The following CNGB1 variants were observed in gnomAD, a reference collection of about 807,000 sequenced individuals.
The protein encoded by CNGB1 is cyclic nucleotide gated channel subunit beta 1, also known as cyclic nucleotide-gated channel beta-1.
CNGB1 carries 126 observed loss-of-function variants against 151.7 expected under a neutral mutation model. The observed-to-expected ratio is 0.83, with a 90% confidence interval of 0.72 to 0.96. The LOEUF (loss-of-function observed/expected upper bound fraction) is 0.96, where lower values mean the gene tolerates loss of function less well. Among genes scored for constraint, CNGB1 ranks in the 40% least tolerant of loss-of-function variants. The pLI is 0.00. For missense variants in CNGB1, 1,698 were observed against 1,627.0 expected, an observed-to-expected ratio of 1.04 and a Z score of -0.75; for synonymous variants, 623 against 635.1, an observed-to-expected ratio of 0.98 and a Z score of 0.29.
At chr16:57,919,372 A>G in intron 19 of CNGB1, 118 bp from the exon 20 acceptor site, 1 of 1,578,900 alleles carries the variant, frequency 6.3e-7, no homozygotes, top group African/African-American at 1.3e-5. Flanking sequence ...TGGCACCATT[A>G]TACAAGCTAC....
intron 17 of CNGB1, among the ~76,000 whole-genome samples, chr16:57,925,700 T>TC (rs60770854): frequency 0.23 from 35,501 of 151,996 alleles, 4,600 homozygotes; most frequent in African/African-American, 0.35. Context: ...TTACTTTTTT[T>TC]TTTTTGAGAT....
chr16:57,928,830 G>C (rs184678031), intron 17 of CNGB1, among the ~76,000 whole-genome samples: 2 of 152,038 alleles, frequency 1.3e-5, no homozygotes, highest in African/African-American at 4.8e-5. Context: ...GTAGAGACAG[G>C]GTTTTTCCAT....
intron 25 of CNGB1, among the ~76,000 whole-genome samples, chr16:57,905,091 T>C (rs1378372242): frequency 6.6e-6 from 1 of 152,208 alleles, no homozygotes; most frequent in Non-Finnish European, 1.5e-5. Flanking sequence ...GTTGTGTCTC[T>C]AGGGACATGT....
At chr16:57,908,491 T>A (rs1372149331) in intron 25 of CNGB1, among the ~76,000 whole-genome samples, 7 of 152,248 alleles carry the variant, frequency 4.6e-5, no homozygotes, top group African/African-American at 1.7e-4. Flanking sequence ...TTCTTCCACC[T>A]TCTCATCCTC....
intron 31 of CNGB1, among the ~76,000 whole-genome samples, chr16:57,890,415 G>C (rs1336453330): frequency 6.6e-6 from 1 of 152,164 alleles, no homozygotes; most frequent in Non-Finnish European, 1.5e-5. Context: ...CAGCCCACAG[G>C]AAGGCTGAGG....
At chr16:57,910,558 C>T (rs1464737800) in intron 25 of CNGB1, among the ~76,000 whole-genome samples, 8 of 151,716 alleles carry the variant, frequency 5.3e-5, no homozygotes, top group African/African-American at 1.9e-4. Context: ...ATTTTTATTA[C>T]AGATGGGATT....
intron 18 of CNGB1, among the ~76,000 whole-genome samples, chr16:57,921,532 C>T (rs1207932745): frequency 6.6e-6 from 1 of 152,028 alleles, no homozygotes; most frequent in Non-Finnish European, 1.5e-5. Context: ...AAGTGTGGGG[C>T]TCCTAATGAG....
chr16:57,884,291 C>T lies in CNGB1; in HGVS notation c.3629G>A (p.Gly1210Glu), dbSNP rs866203302. The T allele has an allele frequency of 6.2e-7, 1 of 1,613,350 alleles. No homozygotes were observed. Among genetic ancestry groups the T allele is most frequent in the Non-Finnish European group, 8.5e-7 (1 of 1,179,782 alleles). The change falls in exon 33 of 33, where the codon GGA becomes GAA. Residue 1210 changes from glycine to glutamate, a missense_variant. Coordinates refer to ENST00000251102, the MANE Select transcript of CNGB1 (RefSeq NM_001297.5). ...GGGCTCGGCCGGCCCCTCCTCCTCT[C>T]CCTCCGGCCTCCCAAGGGAGGCAGG... Reference protein sequence around the residue: ...PPPASLGRPEGEEEGPAEPEE... With the variant: ...PPPASLGRPEEEEEGPAEPEE...
At position 57,897,540 on chromosome 16, in the gene CNGB1, C is replaced by T. The variant is rs780864617; in HGVS notation, c.3099G>A (p.Leu1033=). The T allele has an allele frequency of 1.8e-5, 29 of 1,613,908 alleles. No homozygotes were observed. Among genetic ancestry groups the T allele is most frequent in the Non-Finnish European group, 2.4e-5 (28 of 1,180,040 alleles). The part of the protein sequence containing the change: ...KAGSVFGEIS[L]LAVGGGNRRT... ...GCCGGTTCCCGCCCCCAACAGCCAG[C>T]AAGCTGGGGCAGAGAAGGGAGGAAG... is the stretch of plus-strand genomic sequence containing the variant. Residue 1033 remains leucine (L), a synonymous_variant, in exon 31 of 33, where the codon TTG becomes TTA. Transcript: ENST00000251102.
intron 18 of CNGB1, among the ~76,000 whole-genome samples, chr16:57,922,431 C>CTTTCTTTCT (rs765693067): frequency 1.5e-5 from 2 of 136,540 alleles, no homozygotes; most frequent in African/African-American, 6.0e-5. Flanking sequence ...TTCTTTCTTT[C>CTTTCTTTCT]TTTTTTTTTT....
At chr16:57,932,459 G>C (rs1425758539) in intron 16 of CNGB1, among the ~76,000 whole-genome samples, 3 of 148,570 alleles carry the variant, frequency 2.0e-5, no homozygotes, top group African/African-American at 7.6e-5. Flanking sequence ...CTGGAGTGCA[G>C]TGGTGCAATC....
Position 57,903,969 on chromosome 16 carries a change from C to T in CNGB1, c.2647G>A (p.Val883Ile), listed in dbSNP as rs1168302861. Reference sequence around the variant, plus strand: ...GTCTGTCCGGCGGTGGCGGCCCCTACCACATCTCTCATCTGGGGGAAGGGT... The same window carrying T: ...GTCTGTCCGGCGGTGGCGGCCCCTATCACATCTCTCATCTGGGGGAAGGGT... ...SVMIGQMRDV[V>I]GAATAGQTYY... Residue 883 changes from valine to isoleucine, a missense_variant, in exon 27 of 33, where the codon GTA (valine) becomes ATA (isoleucine). Transcript: ENST00000251102. 1 of 1,613,790 alleles carries T rather than the reference C, an allele frequency of 6.2e-7. No homozygotes were observed. Among genetic ancestry groups the T allele is most frequent in the African/African-American group, 1.3e-5 (1 of 75,040 alleles).
chr16:57,906,329 C>G (rs376450555), intron 25 of CNGB1, among the ~76,000 whole-genome samples: 1 of 152,238 alleles, frequency 6.6e-6, no homozygotes, highest in East Asian at 1.9e-4. Flanking sequence ...GGTGGACTCT[C>G]AGCAAGGGAG....
At chr16:57,942,557 C>T (rs1481001811) in intron 14 of CNGB1, among the ~76,000 whole-genome samples, 1 of 152,122 alleles carries the variant, frequency 6.6e-6, no homozygotes, top group Non-Finnish European at 1.5e-5. Flanking sequence ...AACTATAAAA[C>T]ATCGACGAAA....
chr16:57,960,240 C>G (rs1013327968), intron 9 of CNGB1, among the ~76,000 whole-genome samples, 175 bp from the exon 10 acceptor site: 1 of 152,180 alleles, frequency 6.6e-6, no homozygotes, highest in Non-Finnish European at 1.5e-5. Flanking sequence ...AACTGAGACC[C>G]AGGGAGGGGA....
At chr16:57,949,546 C>T in intron 13 of CNGB1, 107 bp from the exon 14 acceptor site, 1 of 1,571,522 alleles carries the variant, frequency 6.4e-7, no homozygotes, top group South Asian at 1.1e-5. Flanking sequence ...TGAGCCCAGA[C>T]CTGGACTTTC....
chr16:57,924,131 T>C (rs1961121799), intron 17 of CNGB1, among the ~76,000 whole-genome samples: 1 of 152,170 alleles, frequency 6.6e-6, no homozygotes, highest in Non-Finnish European at 1.5e-5. Context: ...GGTTGGAGCC[T>C]GGGTGTCTGA....
chr16:57,920,093 G>T (rs1960986684), intron 19 of CNGB1, among the ~76,000 whole-genome samples: 1 of 152,204 alleles, frequency 6.6e-6, no homozygotes, highest in African/African-American at 2.4e-5. Flanking sequence ...ACATTTTGGG[G>T]TGGCACCACT....
intron 6 of CNGB1, 73 bp downstream of exon 6, chr16:57,962,769 G>A: frequency 6.3e-7 from 1 of 1,594,756 alleles, no homozygotes. Context: ...CTCCCAAGGG[G>A]CAGGGCCCAT....
Sources: allele counts gnomAD v4.1 joint callset (sites outside exome capture counted in the v4.1 genomes callset), GRCh38; gene constraint gnomAD v4.1.1; transcripts MANE v1.5; gene names NCBI Gene and HGNC (gene_info 2026-07-23, HGNC 2026-07-21).